Variants in ANO3 observed in about 807,000 individuals in gnomAD.
ANO3 encodes anoctamin 3.
A neutral mutation model predicts 144.8 loss-of-function variants in ANO3; 99 were observed. That is an observed-to-expected ratio of 0.68 (90% confidence interval 0.58 to 0.81). The LOEUF (loss-of-function observed/expected upper bound fraction) is 0.81. Among genes scored for constraint, ANO3 ranks in the 30% least tolerant of loss-of-function variants. ANO3 has a pLI of 0.00. For missense variants in ANO3, 905 were observed against 1,202.2 expected (o/e 0.75, Z 3.66); for synonymous variants, 414 against 392.6 (o/e 1.05, Z -0.64).
intron 14 of ANO3, chr11:26,565,214 TTTTAAGG>T: frequency 2.0e-6 from 3 of 1,515,518 alleles, no homozygotes; most frequent in Non-Finnish European, 2.7e-6. Flanking sequence ...TATTGGTGAA[TTTTAAGG>T]TAGGCTGTAG....
intron 14 of ANO3, among the ~76,000 whole-genome samples, chr11:26,563,832 C>T (rs1485740000): frequency 6.6e-6 from 1 of 151,832 alleles, no homozygotes; most frequent in Non-Finnish European, 1.5e-5. Flanking sequence ...ATATCAAGAA[C>T]AGTTGTCTAG....
At chr11:26,633,483 A>G (rs902915784) in intron 18 of ANO3, among the ~76,000 whole-genome samples, 1 of 152,040 alleles carries the variant, frequency 6.6e-6, no homozygotes, top group African/African-American at 2.4e-5. Flanking sequence ...TTGCCATTCC[A>G]CTTCCGTCTG....
At chr11:26,636,803 T>G (rs1030838198) in intron 20 of ANO3, among the ~76,000 whole-genome samples, 1 of 152,242 alleles carries the variant, frequency 6.6e-6, no homozygotes, top group African/African-American at 2.4e-5. Flanking sequence ...TGGCTCACAC[T>G]TCTATGCTGG....
At chr11:26,493,089 A>G (rs930004454) in intron 4 of ANO3, among the ~76,000 whole-genome samples, 2 of 152,200 alleles carry the variant, frequency 1.3e-5, no homozygotes, top group Admixed American at 6.5e-5. Flanking sequence ...TAGGTCTTCT[A>G]GTTGCCATTC....
intron 1 of ANO3, among the ~76,000 whole-genome samples, chr11:26,296,456 C>T (rs1018773422): frequency 6.6e-6 from 1 of 152,146 alleles, no homozygotes; most frequent in African/African-American, 2.4e-5. Context: ...CTTTTACCAG[C>T]CTATGAGGGA....
chr11:26,192,925 T>A (rs879456473), intron 1 of ANO3, among the ~76,000 whole-genome samples: 5 of 152,104 alleles, frequency 3.3e-5, no homozygotes, highest in East Asian at 1.9e-4. Context: ...GTCTTTTTTT[T>A]ATTATACTTT....
At chr11:26,206,271 T>C (rs1343446815) in intron 1 of ANO3, among the ~76,000 whole-genome samples, 1 of 152,200 alleles carries the variant, frequency 6.6e-6, no homozygotes, top group African/African-American at 2.4e-5. Context: ...TCTCCAAACA[T>C]GAGTTAATCC....
intron 14 of ANO3, among the ~76,000 whole-genome samples, chr11:26,564,690 TATACACAC>T (rs1239325731): frequency 5.4e-5 from 1 of 18,648 alleles, no homozygotes; most frequent in African/African-American, 1.6e-4. Flanking sequence ...TACTCATATA[TATACACAC>T]ACACACACAC....
intron 3 of ANO3, among the ~76,000 whole-genome samples, chr11:26,461,247 C>T (rs546517663): frequency 6.6e-6 from 1 of 152,086 alleles, no homozygotes; most frequent in Non-Finnish European, 1.5e-5. Flanking sequence ...GGTAGCTGCT[C>T]CAAGAATATA....
chr11:26,350,630 A>T (rs987162347), intron 1 of ANO3, among the ~76,000 whole-genome samples: 3 of 152,122 alleles, frequency 2.0e-5, no homozygotes, highest in African/African-American at 7.2e-5. Flanking sequence ...TCCATATTTT[A>T]GTTATATATA....
intron 3 of ANO3, among the ~76,000 whole-genome samples, chr11:26,461,261 C>A (rs1423043531): frequency 2.6e-5 from 4 of 152,044 alleles, no homozygotes; most frequent in Non-Finnish European, 4.4e-5. Flanking sequence ...GAATATAACT[C>A]CAAAATTTCA....
At chr11:26,308,391 G>A (rs550994390), upstream of ANO3, among the ~76,000 whole-genome samples, 9 of 152,224 alleles carry the variant, frequency 5.9e-5, no homozygotes, top group East Asian at 1.7e-3. Flanking sequence ...ATTTAGTACA[G>A]AATTCACTCA....
upstream of ANO3, among the ~76,000 whole-genome samples, chr11:26,330,506 T>C (rs1855009870): frequency 6.6e-6 from 1 of 152,170 alleles, no homozygotes. Context: ...AAGACCATTA[T>C]GATACATTAA....
At chr11:26,564,692 TACACAC>T (rs370277580) in intron 14 of ANO3, among the ~76,000 whole-genome samples, 544 of 41,034 alleles carry the variant, frequency 0.013, 37 homozygotes, top group African/African-American at 0.028. Context: ...CTCATATATA[TACACAC>T]ACACACACAC....
At chr11:26,374,504 A>G (rs1016792183) in intron 1 of ANO3, among the ~76,000 whole-genome samples, 6 of 152,222 alleles carry the variant, frequency 3.9e-5, no homozygotes, top group Admixed American at 1.3e-4. Context: ...TTAGGAGGGA[A>G]CAAATAAGTT....
At position 26,538,773 on chromosome 11, in the gene ANO3, T is replaced by C. The variant is rs982386747; in HGVS notation, c.1032+1312T>C. Among the ~76,000 whole-genome samples, 4 of 152,254 alleles carry C rather than the reference T, an allele frequency of 2.6e-5. No homozygotes were observed. The East Asian group carries it at 7.7e-4, about 29-fold the overall frequency. On this transcript the variant is annotated intron_variant, in intron 10 of 26. Coordinates refer to ENST00000256737, the MANE Select transcript of ANO3 (RefSeq NM_031418.4). ...ATGAAATATTAATATATGCAATAAA[T>C]ACATGAAAAGAACACAAAACAATGT...
At chr11:26,527,488 T>C (rs562613104) in intron 7 of ANO3, among the ~76,000 whole-genome samples, 2 of 152,226 alleles carry the variant, frequency 1.3e-5, no homozygotes, top group South Asian at 4.2e-4. Context: ...AAGAAGTCTA[T>C]AAAATTATAT....
chr11:26,436,350 A>G (rs557502417), intron 1 of ANO3, among the ~76,000 whole-genome samples: 44 of 152,262 alleles, frequency 2.9e-4, no homozygotes, highest in African/African-American at 1.0e-3. Flanking sequence ...CAGGGGGTGG[A>G]CCCAGTGAGG....
chr11:26,637,995 G>A (rs533221583), intron 20 of ANO3, among the ~76,000 whole-genome samples: 4 of 152,220 alleles, frequency 2.6e-5, no homozygotes, highest in Admixed American at 2.6e-4. Context: ...GTTTTTGTTT[G>A]TATGGGTCTC....
Sources: allele counts gnomAD v4.1 joint callset (sites outside exome capture counted in the v4.1 genomes callset), GRCh38; gene constraint gnomAD v4.1.1; transcripts MANE v1.5; gene names NCBI Gene and HGNC (gene_info 2026-07-23, HGNC 2026-07-21).